The following PATJ variants were observed in gnomAD, a reference collection of about 807,000 sequenced individuals.
The protein encoded by PATJ is PATJ crumbs cell polarity complex component, also known as inaD-like protein.
In PATJ, 190 loss-of-function variants were observed where a neutral mutation model predicts 224.9. That is an observed-to-expected ratio of 0.84 (90% CI 0.75 to 0.95). The LOEUF (loss-of-function observed/expected upper bound fraction) is 0.95, where lower values mean the gene tolerates loss of function less well. Ranked by LOEUF, PATJ falls within the 40% of genes least tolerant of loss-of-function variation. The pLI, the probability that PATJ is intolerant of heterozygous loss-of-function variation, is 0.00. For missense variants in PATJ, 2,121 were observed against 2,270.3 expected (o/e 0.93, Z 1.34); for synonymous variants, 769 against 820.3 (o/e 0.94, Z 1.07).
At chr1:61,947,489 TAGGAATCCA>T (rs1678922794) in intron 27 of PATJ, among the ~76,000 whole-genome samples, 1 of 152,048 alleles carries the variant, frequency 6.6e-6, no homozygotes, top group Admixed American at 6.6e-5. Flanking sequence ...ATAAAATACC[TAGGAATCCA>T]ACTTACAAGG....
At chr1:61,883,076 A>G (rs1174706182) in intron 21 of PATJ, among the ~76,000 whole-genome samples, 2 of 152,210 alleles carry the variant, frequency 1.3e-5, no homozygotes, top group Non-Finnish European at 2.9e-5. Context: ...ACATGTTTCA[A>G]CATATGATCT....
chr1:61,856,611 CAG>C (rs543738022), intron 18 of PATJ, among the ~76,000 whole-genome samples: 138 of 152,266 alleles, frequency 9.1e-4, no homozygotes, highest in African/African-American at 3.3e-3. Flanking sequence ...ATTTTATAGA[CAG>C]AGTCTCTCTC....
chr1:61,954,878 T>C (rs2498961), intron 27 of PATJ, among the ~76,000 whole-genome samples: 142,578 of 151,908 alleles, frequency 0.94, 67,047 homozygotes, highest in East Asian at 1. Flanking sequence ...CTCAGCCTTC[T>C]GAGTAGCTGG....
intron 40 of PATJ, chr1:62,128,378 G>C (rs1010316117): frequency 3.0e-6 from 1 of 328,116 alleles, no homozygotes; most frequent in Admixed American, 4.5e-5. Flanking sequence ...CCCAAAATCA[G>C]CTCTCAACTG....
chr1:62,051,138 C>A (rs1445556013), intron 31 of PATJ, 80 bp downstream of exon 31: 1 of 1,038,312 alleles, frequency 9.6e-7, no homozygotes, highest in Non-Finnish European at 1.5e-6. Context: ...TGGAAAGAAC[C>A]ACCTATCATG....
chr1:62,039,932 CTGGTT>C (rs2148521414), intron 30 of PATJ, among the ~76,000 whole-genome samples: 1 of 151,802 alleles, frequency 6.6e-6, no homozygotes, highest in East Asian at 1.9e-4. Context: ...AGGCAGTCTC[CTGGTT>C]GGGGGGTGGG....
rs115324623 is a variant in PATJ at position 62,035,269 on chromosome 1, C to T, written c.3960-2708C>T. On this transcript the variant is annotated intron_variant, in intron 29 of 43. Transcript: ENST00000642238. ...TCAGAAAAAACAGATGCGCTTGATA[C>T]GCTATGTCACTTTATAGTTGTAGTT... Among the ~76,000 whole-genome samples the T allele has an allele frequency of 2.4e-3, 368 of 152,278 alleles. 3 individuals carry two copies. Among genetic ancestry groups the T allele is most frequent in the African/African-American group, 8.2e-3 (340 of 41,560 alleles).
chr1:61,914,521 A>T, intron 25 of PATJ, 66 bp from the exon 26 acceptor site: 1 of 738,886 alleles, frequency 1.4e-6, no homozygotes, highest in Non-Finnish European at 2.3e-6. Context: ...ATGTCAAGAG[A>T]AAAAAAAGGA....
chr1:61,797,501 T>A, intron 11 of PATJ, 73 bp downstream of exon 11: 1 of 1,296,730 alleles, frequency 7.7e-7, no homozygotes, highest in Non-Finnish European at 1.1e-6. Flanking sequence ...TGGAAGTTGC[T>A]CCATGAGTCT....
intron 33 of PATJ, among the ~76,000 whole-genome samples, chr1:62,088,610 GATA>G (rs1402529213): frequency 1.3e-5 from 2 of 152,026 alleles, no homozygotes; most frequent in African/African-American, 4.8e-5. Flanking sequence ...TATTTACAGA[GATA>G]ATAATACCTT....
intron 41 of PATJ, among the ~76,000 whole-genome samples, chr1:62,136,062 T>A (rs534895562): frequency 4.7e-4 from 66 of 140,012 alleles, no homozygotes; most frequent in Non-Finnish European, 7.5e-4. Flanking sequence ...AGTTTCGCTC[T>A]TGTTACCCAG....
At chr1:62,147,550 G>A (rs1449362982) in intron 41 of PATJ, among the ~76,000 whole-genome samples, 1 of 152,138 alleles carries the variant, frequency 6.6e-6, no homozygotes, top group African/African-American at 2.4e-5. Flanking sequence ...TGTAATCCCA[G>A]CACTTTGGGA....
chr1:62,107,768 T>C (rs1558179411), intron 33 of PATJ, among the ~76,000 whole-genome samples: 1 of 152,204 alleles, frequency 6.6e-6, no homozygotes, highest in Non-Finnish European at 1.5e-5. Flanking sequence ...ATACAAATTA[T>C]TTTTTAATTC....
chr1:61,917,343 A>G (rs902008466), intron 26 of PATJ, among the ~76,000 whole-genome samples: 2 of 152,170 alleles, frequency 1.3e-5, no homozygotes, highest in African/African-American at 4.8e-5. Flanking sequence ...TAATTTTTGC[A>G]AAGGTGGCTT....
intron 27 of PATJ, among the ~76,000 whole-genome samples, chr1:61,985,882 T>G (rs926861696): frequency 6.6e-6 from 1 of 152,064 alleles, no homozygotes; most frequent in Non-Finnish European, 1.5e-5. Context: ...GGTCACCAAC[T>G]TAAGACTAAC....
chr1:61,798,406 C>T (rs1651793486), intron 11 of PATJ, among the ~76,000 whole-genome samples: 1 of 151,786 alleles, frequency 6.6e-6, no homozygotes, highest in South Asian at 2.1e-4. Flanking sequence ...CCTGTGTTGC[C>T]CATGCTAGTC....
At chr1:62,091,278 C>T in intron 33 of PATJ, among the ~76,000 whole-genome samples, 1 of 152,284 alleles carries the variant, frequency 6.6e-6, no homozygotes, top group Admixed American at 6.5e-5. Flanking sequence ...GGCACCATAG[C>T]AGAGTAATGA....
intron 25 of PATJ, among the ~76,000 whole-genome samples, chr1:61,911,851 T>C (rs1672704669): frequency 6.7e-6 from 1 of 149,370 alleles, no homozygotes; most frequent in African/African-American, 2.4e-5. Flanking sequence ...TTGTTATATG[T>C]ATTAAACAGA....
At chr1:61,911,695 TTATA>T (rs141530445) in intron 25 of PATJ, among the ~76,000 whole-genome samples, 4,326 of 140,588 alleles carry the variant, frequency 0.031, 93 homozygotes, top group African/African-American at 0.045. Context: ...CTATATATTT[TTATA>T]TATATATATA....
Sources: allele counts gnomAD v4.1 joint callset (sites outside exome capture counted in the v4.1 genomes callset), GRCh38; gene constraint gnomAD v4.1.1; transcripts MANE v1.5; gene names NCBI Gene and HGNC (gene_info 2026-07-23, HGNC 2026-07-21).